Variants in RPAP2 observed in about 807,000 individuals in gnomAD.
The protein encoded by RPAP2 is putative RNA polymerase II subunit B1 CTD phosphatase RPAP2.
A neutral mutation model predicts 73.1 loss-of-function variants in RPAP2; 52 were observed. The observed-to-expected ratio is 0.71, with a 90% CI of 0.57 to 0.90. The LOEUF is 0.90. Ranked by LOEUF, RPAP2 falls within the 40% of genes least tolerant of loss-of-function variation. The pLI is 0.00. For synonymous variants in RPAP2, 225 were observed against 242.1 expected (o/e 0.93, Z 0.65); for missense variants, 598 against 701.8 (o/e 0.85, Z 1.67).
chr1:92,383,127 T>C (rs1168988963), intron 12 of RPAP2, among the ~76,000 whole-genome samples: 1 of 152,198 alleles, frequency 6.6e-6, no homozygotes, highest in Non-Finnish European at 1.5e-5. Context: ...CATTCATCTA[T>C]ATCTCTGTTT....
chr1:92,317,368 C>T (rs1651976157), intron 6 of RPAP2, among the ~76,000 whole-genome samples: 1 of 151,982 alleles, frequency 6.6e-6, no homozygotes, highest in African/African-American at 2.4e-5. Flanking sequence ...ATGAGCTGGG[C>T]GTAGTGGCGG....
intron 12 of RPAP2, among the ~76,000 whole-genome samples, chr1:92,382,666 A>G (rs973857132): frequency 6.6e-6 from 1 of 152,164 alleles, no homozygotes; most frequent in African/African-American, 2.4e-5. Flanking sequence ...GATTCTGGAT[A>G]TTAGCCCTTT....
intron 8 of RPAP2, among the ~76,000 whole-genome samples, chr1:92,328,219 A>T (rs1652759582): frequency 6.6e-6 from 1 of 152,144 alleles, no homozygotes; most frequent in Non-Finnish European, 1.5e-5. Flanking sequence ...AGGCTGGAGA[A>T]GTTTTCCTTG....
At chr1:92,361,846 C>T (rs1308367974) in intron 11 of RPAP2, among the ~76,000 whole-genome samples, 1 of 126,234 alleles carries the variant, frequency 7.9e-6, no homozygotes. Context: ...ATGGACGTAA[C>T]TGTTTTCTGT....
Position 92,324,327 on chromosome 1 carries a change from A to ACTAC in RPAP2, c.1408_1409insTACC (p.Arg470LeufsTer7). On this transcript the variant is annotated frameshift_variant, in exon 8 of 13. Transcript: ENST00000610020. LOFTEE classifies it high-confidence loss of function. ...TGAGGATCAGGGAGTTTTACAGAGGACGGTATGTTTTGGGTGAAGAAACCA... is the reference window on the plus strand; with the variant it reads ...TGAGGATCAGGGAGTTTTACAGAGGACTACCGGTATGTTTTGGGTGAAGAAACCA... The ACTAC allele has an allele frequency of 6.2e-7, 1 of 1,614,070 alleles. No individual in the cohort carries two copies. The highest frequency in any genetic ancestry group is 2.2e-5 in the East Asian group (1 of 44,866).
chr1:92,347,927 T>C (rs1253848286), intron 11 of RPAP2, among the ~76,000 whole-genome samples: 1 of 152,170 alleles, frequency 6.6e-6, no homozygotes, highest in Non-Finnish European at 1.5e-5. Context: ...TTTTTTTCTT[T>C]GAGATGGAGT....
chr1:92,341,865 A>T (rs1653612203), intron 10 of RPAP2, among the ~76,000 whole-genome samples: 1 of 152,224 alleles, frequency 6.6e-6, no homozygotes, highest in Non-Finnish European at 1.5e-5. Flanking sequence ...AGCTGGTCTC[A>T]AACTGCTGAC....
At chr1:92,337,885 A>G (rs1258546833) in intron 10 of RPAP2, among the ~76,000 whole-genome samples, 1 of 152,068 alleles carries the variant, frequency 6.6e-6, no homozygotes, top group Non-Finnish European at 1.5e-5. Context: ...CATTTCTGCA[A>G]AGTTTGAGTT....
chr1:92,372,974 A>G (rs1165490386), intron 11 of RPAP2, among the ~76,000 whole-genome samples: 1 of 152,226 alleles, frequency 6.6e-6, no homozygotes, highest in Non-Finnish European at 1.5e-5. Context: ...GGTAATCACA[A>G]TAAATAATTG....
intron 7 of RPAP2, among the ~76,000 whole-genome samples, chr1:92,322,737 C>T (rs181832951): frequency 4.6e-5 from 7 of 151,266 alleles, no homozygotes; most frequent in Admixed American, 2.0e-4. Flanking sequence ...ATTAGCCAGG[C>T]GTGGTGGTGC....
At chr1:92,301,399 G>T in intron 2 of RPAP2, 77 bp from the exon 3 acceptor site, 2 of 673,322 alleles carry the variant, frequency 3.0e-6, no homozygotes. Context: ...AGTGAGTTAG[G>T]TTAGTATTGT....
In RPAP2 at chr1:92,395,233, A is replaced by T. The variant is rs1253336728; in HGVS notation, c.*8222A>T. ...GAAAACATGGGAGAAAACCTAGATG[A>T]CCTTGGTTTAGGAAGAATTCTTAAG... On this transcript the variant is annotated 3_prime_UTR_variant, in exon 13 of 13. Transcript: ENST00000610020. 1 of 152,212 alleles carries T rather than the reference A, an allele frequency of 6.6e-6. No homozygotes were observed. Among genetic ancestry groups the T allele is most frequent in the Non-Finnish European group, 1.5e-5 (1 of 68,042 alleles). 9.4% of individuals were successfully genotyped at this position (152,212 alleles called of 1,614,324 possible). A position where few individuals can be genotyped will look rare whatever the true frequency, so the allele number is the denominator to read the frequency against.
At position 92,354,026 on chromosome 1, in the gene RPAP2, A is replaced by G. The variant is rs111718609; in HGVS notation, c.1688+8112A>G. Reference sequence around the variant, plus strand: ...CAGGCCATACTCCACATTAAAAGTCACCAAGGATCCTGAGCAAAAAGATGT... The same window carrying G: ...CAGGCCATACTCCACATTAAAAGTCGCCAAGGATCCTGAGCAAAAAGATGT... On this transcript the variant is annotated intron_variant, in intron 11 of 12. Coordinates refer to ENST00000610020, the MANE Select transcript of RPAP2 (RefSeq NM_024813.3). Among the ~76,000 whole-genome samples the G allele has an allele frequency of 7.2e-3, 1,089 of 152,238 alleles. 12 individuals are homozygous for G. Among genetic ancestry groups the G allele is most frequent in the African/African-American group, 0.025 (1,043 of 41,542 alleles).
At chr1:92,312,737 G>A (rs1571035410) in intron 6 of RPAP2, among the ~76,000 whole-genome samples, 1 of 152,130 alleles carries the variant, frequency 6.6e-6, no homozygotes, top group East Asian at 1.9e-4. Context: ...TCATCCATTA[G>A]GGTTACAATC....
At position 92,395,559 on chromosome 1, in the gene RPAP2, C is replaced by T. The variant is rs530158239; in HGVS notation, c.*8548C>T. On this transcript the variant is annotated 3_prime_UTR_variant, in exon 13 of 13. Coordinates refer to ENST00000610020, the MANE Select transcript of RPAP2 (RefSeq NM_024813.3). ...GCTGAGGTGGGAGGATCTCTTGACC[C>T]TGGGAGGCAGAGGTTGCAGTGAGCC... The T allele has an allele frequency of 1.3e-5, 2 of 150,466 alleles. No individual in the cohort carries two copies. Among genetic ancestry groups the T allele is most frequent in the African/African-American group, 4.9e-5 (2 of 40,874 alleles). The allele number at this position is 150,466 out of a possible 1,614,324, so 9.3% of individuals were successfully genotyped here.
chr1:92,322,704 A>T (rs752306544), intron 7 of RPAP2, among the ~76,000 whole-genome samples: 9 of 150,878 alleles, frequency 6.0e-5, no homozygotes, highest in Non-Finnish European at 1.3e-4. Flanking sequence ...GCAAAACTCC[A>T]TCTCTACTAA....
intron 11 of RPAP2, among the ~76,000 whole-genome samples, chr1:92,371,368 A>AGGGT (rs1261509560): frequency 3.3e-4 from 2 of 6,056 alleles, no homozygotes; most frequent in Non-Finnish European, 6.0e-4. Context: ...ATCCCACTGA[A>AGGGT]GGGTGGGTGG....
intron 2 of RPAP2, 115 bp from the exon 3 acceptor site, chr1:92,301,361 A>C: frequency 2.0e-5 from 8 of 390,574 alleles, no homozygotes; most frequent in Non-Finnish European, 2.2e-5. Context: ...AAAATTTTTT[A>C]AATATATTTA....
At position 92,392,292 on chromosome 1, in the gene RPAP2, A is replaced by G. The variant is rs997497462; in HGVS notation, c.*5281A>G. 2 of 152,242 alleles carry G rather than the reference A, an allele frequency of 1.3e-5. No individual in the cohort carries two copies. Among genetic ancestry groups the G allele is most frequent in the African/African-American group, 4.8e-5 (2 of 41,468 alleles). 9.4% of individuals were successfully genotyped at this position (152,242 alleles called of 1,614,324 possible). On this transcript the variant is annotated 3_prime_UTR_variant, in exon 13 of 13. Transcript: ENST00000610020. ...AACCAACGGCAAAAACCACATGATT[A>G]TCTCAATAGATACAAAAAAGGCCTT...
Sources: allele counts gnomAD v4.1 joint callset (sites outside exome capture counted in the v4.1 genomes callset), GRCh38; gene constraint gnomAD v4.1.1; transcripts MANE v1.5; gene names NCBI Gene and HGNC (gene_info 2026-07-23, HGNC 2026-07-21).